Variants in IGBP1C observed in about 807,000 individuals in gnomAD.
The protein encoded by IGBP1C is IGBP1 family member C.
chr17:58,666,065 TG>T, the IGBP1C span, among the ~76,000 whole-genome samples: 2 of 147,798 alleles, frequency 1.4e-5, no homozygotes, highest in Non-Finnish European at 3.0e-5. Flanking sequence ...AAAAAAAAAT[TG>T]GGTGCCATGG....
At chr17:58,669,185 C>T in the IGBP1C span, among the ~76,000 whole-genome samples, 1 of 152,012 alleles carries the variant, frequency 6.6e-6, no homozygotes, top group Admixed American at 6.6e-5. Flanking sequence ...AACCCCATCT[C>T]TACTAAAAAT....
At chr17:58,679,687 G>T in the IGBP1C span, 3 of 152,156 alleles carry the variant, frequency 2.0e-5, no homozygotes, top group African/African-American at 4.8e-5. Flanking sequence ...TGCCAGTTAA[G>T]TATGAGTCCC....
chr17:58,665,528 G>A, the IGBP1C span, among the ~76,000 whole-genome samples: 868 of 151,982 alleles, frequency 5.7e-3, 5 homozygotes, highest in African/African-American at 9.2e-3. Context: ...CCTGGGAGGC[G>A]GAGGTTGCAG....
the IGBP1C span, among the ~76,000 whole-genome samples, chr17:58,683,511 C>A: frequency 6.6e-6 from 1 of 152,038 alleles, no homozygotes; most frequent in Admixed American, 6.6e-5. Flanking sequence ...GCCTGTAATC[C>A]CAGCACTTTG....
the IGBP1C span, among the ~76,000 whole-genome samples, chr17:58,662,867 C>G: frequency 6.6e-6 from 1 of 152,118 alleles, no homozygotes; most frequent in Non-Finnish European, 1.5e-5. Flanking sequence ...CGCTTGTAAT[C>G]CCAGCACTTT....
At chr17:58,677,703 T>C in the IGBP1C span, 2 of 141,570 alleles carry the variant, frequency 1.4e-5, no homozygotes, top group East Asian at 4.1e-4. Context: ...AAAACCACCT[T>C]TGTGGTCAGG....
chr17:58,687,582 C>T, the IGBP1C span, among the ~76,000 whole-genome samples: 2 of 152,012 alleles, frequency 1.3e-5, no homozygotes, highest in South Asian at 2.1e-4. Flanking sequence ...ATCCACCCAC[C>T]TAAGCCTCCC....
the IGBP1C span, chr17:58,661,498 G>A: frequency 2.6e-6 from 2 of 780,968 alleles, no homozygotes; most frequent in South Asian, 2.7e-5. Context: ...GGGAACCGGT[G>A]GGTTCAGTCG....
chr17:58,689,952 C>A, the IGBP1C span, among the ~76,000 whole-genome samples: 1 of 149,140 alleles, frequency 6.7e-6, no homozygotes, highest in African/African-American at 2.5e-5. Context: ...TGGGTTCATG[C>A]AATTCTCCTG....
At chr17:58,664,466 T>C in the IGBP1C span, among the ~76,000 whole-genome samples, 1 of 152,234 alleles carries the variant, frequency 6.6e-6, no homozygotes, top group Non-Finnish European at 1.5e-5. Context: ...CTCAAGTCAT[T>C]ACTTACATGT....
the IGBP1C span, among the ~76,000 whole-genome samples, chr17:58,669,384 G>A: frequency 1.3e-5 from 2 of 151,524 alleles, no homozygotes; most frequent in Admixed American, 6.6e-5. Flanking sequence ...AGGAGGGGGT[G>A]TGGAGAGGAG....
At chr17:58,664,384 A>G in the IGBP1C span, among the ~76,000 whole-genome samples, 1 of 152,064 alleles carries the variant, frequency 6.6e-6, no homozygotes, top group Admixed American at 6.6e-5. Flanking sequence ...TGATGACCAC[A>G]TTGTCTACTC....
the IGBP1C span, among the ~76,000 whole-genome samples, chr17:58,688,260 A>T: frequency 1.3e-5 from 2 of 151,948 alleles, no homozygotes; most frequent in Non-Finnish European, 1.5e-5. Flanking sequence ...AGCTGGGACT[A>T]TAGGTACCCT....
the IGBP1C span, among the ~76,000 whole-genome samples, chr17:58,667,703 G>T: frequency 1.3e-5 from 2 of 152,066 alleles, no homozygotes; most frequent in Non-Finnish European, 2.9e-5. Flanking sequence ...TGGCCAACAT[G>T]GTGAAACCCT....
At chr17:58,677,793 A>C in the IGBP1C span, 1 of 152,356 alleles carries the variant, frequency 6.6e-6, no homozygotes, top group East Asian at 1.9e-4. Flanking sequence ...CTCTTCACAT[A>C]GGGTCACTCT....
chr17:58,667,384 T>C, the IGBP1C span, among the ~76,000 whole-genome samples: 1 of 152,176 alleles, frequency 6.6e-6, no homozygotes, highest in Admixed American at 6.5e-5. Context: ...CTAAAACAAA[T>C]ACATTAACGA....
chr17:58,662,951 CA>C, the IGBP1C span, among the ~76,000 whole-genome samples: 1 of 151,318 alleles, frequency 6.6e-6, no homozygotes, highest in East Asian at 1.9e-4. Context: ...ACTAAAAGCA[CA>C]AAAAAATTAG....
chr17:58,690,587 A>G, the IGBP1C span, among the ~76,000 whole-genome samples: 1 of 152,122 alleles, frequency 6.6e-6, no homozygotes, highest in African/African-American at 2.4e-5. Flanking sequence ...TTTTTTCTTC[A>G]CCCAAGAATC....
the IGBP1C span, among the ~76,000 whole-genome samples, chr17:58,662,415 T>TCACACACACACACA: frequency 2.8e-4 from 32 of 114,884 alleles, no homozygotes; most frequent in African/African-American, 7.4e-4. Context: ...CACACATATC[T>TCACACACACACACA]CACACACACA....
Sources: allele counts gnomAD v4.1 joint callset (sites outside exome capture counted in the v4.1 genomes callset), GRCh38; gene constraint gnomAD v4.1.1; transcripts MANE v1.5; gene names NCBI Gene and HGNC (gene_info 2026-07-23, HGNC 2026-07-21).